The following CHAT variants were observed in gnomAD, a reference collection of about 807,000 sequenced individuals.
The protein encoded by CHAT is acetyl CoA:choline O-acetyltransferase.
In CHAT, 61 loss-of-function variants were observed where a neutral mutation model predicts 76.9. That is an observed-to-expected ratio of 0.79 (90% CI 0.65 to 0.98). CHAT has a LOEUF of 0.98. Ranked by LOEUF, CHAT falls within the 50% of genes least tolerant of loss-of-function variation. The probability of loss-of-function intolerance (pLI) is 0.00; values close to 1 mark genes in which losing one functional copy is unlikely to be tolerated. For missense variants in CHAT, 946 were observed against 986.9 expected, an observed-to-expected ratio of 0.96 and a Z score of 0.56; for synonymous variants, 407 against 397.4, an observed-to-expected ratio of 1.02 and a Z score of -0.29.
At chr10:49,612,378 G>T (rs2269338), upstream of CHAT, 185,669 of 1,544,970 alleles carry the variant, frequency 0.12, 13,709 homozygotes, top group East Asian at 0.4. Flanking sequence ...ACCGCCTTGG[G>T]TCAAGGGGGC....
At chr10:49,662,025 A>G (rs1917810) in intron 13 of CHAT, among the ~76,000 whole-genome samples, 61,425 of 152,160 alleles carry the variant, frequency 0.4, 12,965 homozygotes, top group East Asian at 0.69. Context: ...TCCTGTCTCA[A>G]AACGATTTCT....
intron 7 of CHAT, among the ~76,000 whole-genome samples, chr10:49,646,053 A>C (rs1387666420): frequency 1.3e-5 from 2 of 152,248 alleles, no homozygotes; most frequent in Non-Finnish European, 2.9e-5. Context: ...TGCAGTTTAG[A>C]TGTCTGAAAG....
chr10:49,653,519 C>G (rs1482244538), intron 11 of CHAT, among the ~76,000 whole-genome samples: 3 of 152,186 alleles, frequency 2.0e-5, no homozygotes, highest in African/African-American at 7.2e-5. Context: ...CAGGCAGCAC[C>G]CGTGTAGACA....
At position 49,637,008 on chromosome 10, in the gene CHAT, C is replaced by T. The variant is rs563055575; in HGVS notation, c.1111+9223C>T. Among the ~76,000 whole-genome samples, 4 of 151,228 alleles carry T rather than the reference C, an allele frequency of 2.6e-5. No individual in the cohort carries two copies. In the South Asian group the frequency reaches 6.3e-4, roughly 24 times the overall value. On this transcript the variant is annotated intron_variant, in intron 7 of 14. Transcript: ENST00000337653. ...GTCTGTAGTGATATCCTGTTTCATT[C>T]CTGATATTGGTGGTTGTGTCTTTCT...
chr10:49,611,461 A>G (rs1464926105), upstream of CHAT: 17 of 1,598,904 alleles, frequency 1.1e-5, no homozygotes, highest in Non-Finnish European at 1.4e-5. Flanking sequence ...GTTCGCCGGC[A>G]AGCGCGTGCC....
upstream of CHAT, among the ~76,000 whole-genome samples, chr10:49,613,431 C>A (rs990497224): frequency 1.3e-5 from 2 of 152,170 alleles, no homozygotes; most frequent in Admixed American, 1.3e-4. Flanking sequence ...GCCCTGAGAG[C>A]CTCAAGCCAG....
In CHAT at chr10:49,614,473, C is replaced by A. The variant is rs977117524; in HGVS notation, c.284C>A (p.Ala95Glu). 5.6e-5 allele frequency: 86 copies of A among 1,545,648 alleles called. No individual in the cohort carries two copies. The highest frequency in any genetic ancestry group is 7.1e-5 in the Non-Finnish European group (81 of 1,146,936). Residue 95 changes from alanine (A) to glutamate (E), a missense_variant and splice_region_variant, in exon 1 of 15, where the codon GCA becomes GAA. By Grantham distance (107) the Ala-to-Glu change is moderately radical. Coordinates refer to ENST00000337653, the MANE Select transcript of CHAT (RefSeq NM_020549.5). ...GCCGAGGCAGCAGAGCCGAGGAGAG[C>A]AGGTGAGAAGAAGGGCTGGGCTGGG... Reference protein sequence around the residue: ...ASAEAAEPRRAGPHLCIPAPG... With the variant: ...ASAEAAEPRREGPHLCIPAPG...
rs1329109849 is a variant in CHAT at position 49,655,248 on chromosome 10, CCCA to C, written c.1776+15_1776+17del. The stretch of plus-strand genomic sequence containing the variant: ...AGGCTGCTGTGCCAGTAAGTCCCGC[CCCA>C]CCCCACGGCCACAGGAAACCAGTGA... On this transcript the variant is annotated intron_variant, in intron 12 of 14. Coordinates refer to ENST00000337653, the MANE Select transcript of CHAT (RefSeq NM_020549.5). The C allele has an allele frequency of 1.9e-6, 3 of 1,613,892 alleles. No homozygotes were observed. In the African/African-American group the frequency reaches 4.0e-5, roughly 22 times the overall value.
At chr10:49,664,235 A>G (rs537717107) in intron 14 of CHAT, among the ~76,000 whole-genome samples, 6 of 152,342 alleles carry the variant, frequency 3.9e-5, no homozygotes, top group Admixed American at 3.9e-4. Context: ...GTGCATAAGT[A>G]AAACTGATGG....
intron 1 of CHAT, among the ~76,000 whole-genome samples, chr10:49,614,895 G>T (rs1011356970): frequency 6.6e-6 from 1 of 152,250 alleles, no homozygotes; most frequent in South Asian, 2.1e-4. Flanking sequence ...GGACATAGCC[G>T]ATGACAGCCT....
chr10:49,655,036 G>A (rs574529640), intron 11 of CHAT, 59 bp from the exon 12 acceptor site: 65 of 1,597,660 alleles, frequency 4.1e-5, no homozygotes, highest in African/African-American at 3.3e-4. Flanking sequence ...TTTTCTTTCC[G>A]AGTTTATGAT....
Position 49,655,577 on chromosome 10 carries a change from A to G in CHAT, c.1839+129A>G, listed in dbSNP as rs7094421. On this transcript the variant is annotated intron_variant, in intron 13 of 14. Coordinates refer to ENST00000337653, the MANE Select transcript of CHAT (RefSeq NM_020549.5). ...TGTTACTCGGGGACTTGGCAAGGCC[A>G]CTTCACCACTCGGTCTCTTGTTTCT... 0.45 allele frequency: 356,217 copies of G among 791,994 alleles called. 83,824 individuals carry two copies. Among genetic ancestry groups the G allele is most frequent in the Non-Finnish European group, 0.49 (221,583 of 450,828 alleles). The allele number at this position is 791,994 out of a possible 1,614,324, so 49.1% of individuals were successfully genotyped here.
At chr10:49,633,341 C>T (rs1177422774) in intron 7 of CHAT, among the ~76,000 whole-genome samples, 1 of 152,216 alleles carries the variant, frequency 6.6e-6, no homozygotes, top group Non-Finnish European at 1.5e-5. Context: ...GCATCCAGGT[C>T]CCCCTCTGGC....
intron 14 of CHAT, 25 bp from the exon 15 acceptor site, chr10:49,664,752 G>C: frequency 6.2e-7 from 1 of 1,614,192 alleles, no homozygotes; most frequent in Non-Finnish European, 8.5e-7. Context: ...AGAACAAGCA[G>C]CTCCTGACCT....
chr10:49,640,767 C>T (rs1293074910), intron 7 of CHAT, among the ~76,000 whole-genome samples: 3 of 152,176 alleles, frequency 2.0e-5, no homozygotes, highest in South Asian at 2.1e-4. Context: ...TGAAGTAGAA[C>T]GCTTATTACC....
chr10:49,644,575 G>A (rs938377785), intron 7 of CHAT, among the ~76,000 whole-genome samples: 2 of 152,192 alleles, frequency 1.3e-5, no homozygotes, highest in Non-Finnish European at 2.9e-5. Flanking sequence ...ATAGGGACGA[G>A]GAGGGGTTCT....
chr10:49,622,873 G>T (rs1222840376), intron 5 of CHAT, among the ~76,000 whole-genome samples: 1 of 152,142 alleles, frequency 6.6e-6, no homozygotes, highest in Non-Finnish European at 1.5e-5. Flanking sequence ...GCAAGGAGGG[G>T]GCAAGGGGCA....
intron 13 of CHAT, among the ~76,000 whole-genome samples, chr10:49,660,179 G>C (rs530214883): frequency 6.6e-6 from 1 of 152,158 alleles, no homozygotes; most frequent in East Asian, 1.9e-4. Flanking sequence ...AGTGGCTCAC[G>C]CCTGTAATCC....
chr10:49,627,875 C>T, intron 7 of CHAT, 90 bp downstream of exon 7: 1 of 1,430,392 alleles, frequency 7.0e-7, no homozygotes, highest in South Asian at 1.2e-5. Flanking sequence ...AGGGCCTCAT[C>T]CCCATCAGCC....
Sources: gnomAD v4.1 joint callset for allele counts (sites outside exome capture counted in the v4.1 genomes callset) on GRCh38, gnomAD v4.1.1 for gene constraint, MANE v1.5 for transcripts, NCBI Gene and HGNC (gene_info 2026-07-23, HGNC 2026-07-21) for gene names.